FHIT: variants seen among roughly 807,000 people sequenced by gnomAD.
The protein encoded by FHIT is bis(5'-adenosyl)-triphosphatase.
A neutral mutation model predicts 17.9 loss-of-function variants in FHIT; 19 were observed. The observed-to-expected ratio is 1.06, with a 90% CI of 0.74 to 1.56. FHIT has a LOEUF of 1.56. Ranked by LOEUF, FHIT falls within the 40% of genes most tolerant of loss-of-function variation. The pLI is 0.00. For missense variants in FHIT, 248 were observed against 189.2 expected (o/e 1.31, Z -1.82); for synonymous variants, 81 against 69.7 (o/e 1.16, Z -0.81).
At chr3:61,025,243 G>A (rs185683750) in intron 3 of FHIT, among the ~76,000 whole-genome samples, 46 of 152,264 alleles carry the variant, frequency 3.0e-4, no homozygotes, top group Admixed American at 2.5e-3. Flanking sequence ...AGGACAGAGC[G>A]TATTAAATTA....
chr3:59,966,169 C>G (rs1006259150), intron 7 of FHIT, among the ~76,000 whole-genome samples: 1 of 152,172 alleles, frequency 6.6e-6, no homozygotes, highest in African/African-American at 2.4e-5. Flanking sequence ...GGTATTCAAA[C>G]AAATAAGACT....
At chr3:60,581,210 G>T (rs891719821) in intron 4 of FHIT, among the ~76,000 whole-genome samples, 5 of 152,106 alleles carry the variant, frequency 3.3e-5, no homozygotes, top group Admixed American at 6.6e-5. Context: ...CATTAAATAC[G>T]TAATTCTCAT....
Position 60,829,391 on chromosome 3 carries a change from G to A in FHIT, c.-110-7380C>T, listed in dbSNP as rs958865440. 4.6e-5 allele frequency among the ~76,000 whole-genome samples: 7 copies of A among 152,152 alleles called. No individual in the cohort carries two copies. The South Asian group carries it at 8.3e-4, about 18-fold the overall frequency. On this transcript the variant is annotated intron_variant, in intron 3 of 9. Transcript: ENST00000492590. The stretch of plus-strand genomic sequence containing the variant: ...CAAATAATTCCCTTTCTTCTTAGTT[G>A]CTGGATATCTACAACCAAATTTAGT...
chr3:60,175,734 G>C (rs759898766), intron 5 of FHIT, among the ~76,000 whole-genome samples: 3 of 152,070 alleles, frequency 2.0e-5, no homozygotes, highest in Non-Finnish European at 2.9e-5. Flanking sequence ...CTAAAAATTA[G>C]GATATCACCA....
chr3:60,981,600 G>A (rs1369357487), intron 3 of FHIT, among the ~76,000 whole-genome samples: 3 of 151,594 alleles, frequency 2.0e-5, no homozygotes, highest in Admixed American at 1.3e-4. Flanking sequence ...CGTAAGCCAC[G>A]GTGCCCAGCC....
chr3:59,783,294 C>T (rs1016055484), intron 8 of FHIT, among the ~76,000 whole-genome samples: 1 of 152,118 alleles, frequency 6.6e-6, no homozygotes, highest in African/African-American at 2.4e-5. Context: ...CATGGTGAAG[C>T]CCCTTCTCTG....
chr3:60,241,648 G>C (rs1422674864), intron 5 of FHIT, among the ~76,000 whole-genome samples: 3 of 152,054 alleles, frequency 2.0e-5, no homozygotes, highest in Non-Finnish European at 4.4e-5. Flanking sequence ...TGAAATGTCA[G>C]GGAATTGCCT....
Position 60,920,424 on chromosome 3 carries a change from G to A in FHIT, c.-110-98413C>T, listed in dbSNP as rs147650859. Among the ~76,000 whole-genome samples, 540 of 152,156 alleles carry A rather than the reference G, an allele frequency of 3.5e-3. 2 individuals carry two copies. The highest frequency in any genetic ancestry group is 6.6e-3 in the Non-Finnish European group (447 of 68,014). ...ATTTCATTGATAAAATACTTCAAAG[G>A]CATACAAAGAAGGAAAATAGTCTAG... is the stretch of plus-strand genomic sequence containing the variant. On this transcript the variant is annotated intron_variant, in intron 3 of 9. Transcript: ENST00000492590.
chr3:60,257,523 AT>A (rs1289939422), intron 5 of FHIT, among the ~76,000 whole-genome samples: 1 of 152,162 alleles, frequency 6.6e-6, no homozygotes, highest in East Asian at 1.9e-4. Context: ...AGTGTTCAAC[AT>A]AATAGCTGCT....
At chr3:61,042,263 T>C (rs553394501) in intron 2 of FHIT, among the ~76,000 whole-genome samples, 164 bp from the exon 3 acceptor site, 1 of 152,324 alleles carries the variant, frequency 6.6e-6, no homozygotes, top group Non-Finnish European at 1.5e-5. Context: ...AAGCAGCTAG[T>C]ATCACCCTGG....
intron 7 of FHIT, among the ~76,000 whole-genome samples, chr3:59,945,263 T>C (rs1387870799): frequency 2.6e-4 from 39 of 152,230 alleles, no homozygotes; most frequent in Non-Finnish European, 1.0e-4. Flanking sequence ...TTTGCATTTC[T>C]CTAATGATTA....
intron 8 of FHIT, among the ~76,000 whole-genome samples, chr3:59,845,836 T>C (rs532785360): frequency 1.3e-5 from 2 of 152,142 alleles, no homozygotes; most frequent in Admixed American, 6.6e-5. Context: ...ACTTAACTTC[T>C]GTCTTTTGTC....
At chr3:61,214,492 C>A (rs1254604758) in intron 1 of FHIT, among the ~76,000 whole-genome samples, 14 of 152,128 alleles carry the variant, frequency 9.2e-5, no homozygotes, top group African/African-American at 3.1e-4. Context: ...CAATGACAGG[C>A]TCTGAAATTG....
At chr3:61,000,790 T>C (rs1237990739) in intron 3 of FHIT, among the ~76,000 whole-genome samples, 1 of 152,146 alleles carries the variant, frequency 6.6e-6, no homozygotes, top group African/African-American at 2.4e-5. Context: ...GCCTGCTCCC[T>C]CTGGTCAAAT....
At chr3:60,518,084 G>A (rs543663388) in intron 5 of FHIT, among the ~76,000 whole-genome samples, 9 of 152,102 alleles carry the variant, frequency 5.9e-5, no homozygotes, top group Non-Finnish European at 8.8e-5. Context: ...AAGAAAATAC[G>A]CACAAATATT....
At chr3:61,083,140 A>AT (rs1382806540) in intron 2 of FHIT, among the ~76,000 whole-genome samples, 9 of 151,940 alleles carry the variant, frequency 5.9e-5, no homozygotes, top group East Asian at 1.9e-4. Flanking sequence ...TTATCTTTTC[A>AT]TTTTTTGCTA....
At chr3:61,214,235 A>T (rs1373446172) in intron 1 of FHIT, among the ~76,000 whole-genome samples, 4 of 150,104 alleles carry the variant, frequency 2.7e-5, no homozygotes, top group Non-Finnish European at 6.0e-5. Flanking sequence ...TTTTGAAAGG[A>T]TCAACAAAAT....
intron 3 of FHIT, among the ~76,000 whole-genome samples, chr3:60,894,007 C>CTCTGAA (rs1241196920): frequency 6.6e-6 from 1 of 152,146 alleles, no homozygotes; most frequent in African/African-American, 2.4e-5. Flanking sequence ...AGAATGAATT[C>CTCTGAA]TCTGAATCTG....
intron 5 of FHIT, among the ~76,000 whole-genome samples, chr3:60,483,040 A>G (rs993045480): frequency 5.3e-5 from 8 of 152,162 alleles, no homozygotes; most frequent in Non-Finnish European, 1.2e-4. Flanking sequence ...ATAAGTGAAT[A>G]CTATAAACAC....
Sources: gnomAD v4.1 joint callset for allele counts (sites outside exome capture counted in the v4.1 genomes callset) on GRCh38, gnomAD v4.1.1 for gene constraint, MANE v1.5 for transcripts, NCBI Gene and HGNC (gene_info 2026-07-23, HGNC 2026-07-21) for gene names.